PDE11A: variants seen among roughly 807,000 people sequenced by gnomAD.
The protein encoded by PDE11A is phosphodiesterase 11A.
In PDE11A, 100 loss-of-function variants were observed where a neutral mutation model predicts 100.5. The observed-to-expected ratio is 1.00, with a 90% CI of 0.85 to 1.18. PDE11A has a LOEUF of 1.18. Ranked by LOEUF, PDE11A falls within the 50% of genes most tolerant of loss-of-function variation. PDE11A has a pLI of 0.00. For synonymous variants in PDE11A, 381 were observed against 420.8 expected (o/e 0.91, Z 1.16); for missense variants, 1,141 against 1,152.6 (o/e 0.99, Z 0.15).
chr2:177,840,357 G>A lies in PDE11A; in HGVS notation c.1394C>T (p.Ser465Leu), dbSNP rs1319634913. Residue 465 changes from serine to leucine, a missense_variant, in exon 6 of 20, where the codon TCA becomes TTA. Physicochemically the swap from Ser to Leu is moderately radical, Grantham distance 145. Coordinates refer to ENST00000286063, the MANE Select transcript of PDE11A (RefSeq NM_016953.4). ...GTTATTTATTAGCCAGTCGGAGTATGATGATTTCTCCATGCTTTCTTTGAA... is the reference window on the plus strand; with the variant it reads ...GTTATTTATTAGCCAGTCGGAGTATAATGATTTCTCCATGCTTTCTTTGAA... ...NSFKESMEKSSYSDWLINNSI... is the reference protein window; with the variant it reads ...NSFKESMEKSLYSDWLINNSI... The A allele has an allele frequency of 1.2e-6, 2 of 1,613,416 alleles. No homozygotes were observed. Among genetic ancestry groups the A allele is most frequent in the African/African-American group, 2.7e-5 (2 of 74,926 alleles).
At chr2:177,891,729 G>A (rs1006945255) in intron 4 of PDE11A, among the ~76,000 whole-genome samples, 3 of 152,074 alleles carry the variant, frequency 2.0e-5, no homozygotes, top group Non-Finnish European at 4.4e-5. Flanking sequence ...ACCTATTTTT[G>A]TCAATAAAGT....
At chr2:177,829,623 T>TTG (rs1402407324) in intron 6 of PDE11A, among the ~76,000 whole-genome samples, 2 of 151,336 alleles carry the variant, frequency 1.3e-5, no homozygotes, top group African/African-American at 4.9e-5. Context: ...TTTTTTTTTT[T>TTG]TTGTATTTTT....
At chr2:177,773,047 G>A (rs907423377) in intron 9 of PDE11A, among the ~76,000 whole-genome samples, 6 of 151,330 alleles carry the variant, frequency 4.0e-5, no homozygotes, top group African/African-American at 1.5e-4. Flanking sequence ...TTTTTGAAGA[G>A]TCTCACTCTA....
intron 5 of PDE11A, among the ~76,000 whole-genome samples, chr2:177,861,451 T>C (rs1337740369): frequency 6.6e-6 from 1 of 151,796 alleles, no homozygotes; most frequent in Non-Finnish European, 1.5e-5. Flanking sequence ...AAAGACAACT[T>C]ATATACAGGA....
At chr2:177,748,478 C>T (rs961406111) in intron 10 of PDE11A, among the ~76,000 whole-genome samples, 5 of 152,120 alleles carry the variant, frequency 3.3e-5, no homozygotes, top group African/African-American at 7.2e-5. Context: ...TATCTATTTG[C>T]GTATTATTAA....
chr2:177,778,345 C>G (rs62183044), intron 9 of PDE11A, among the ~76,000 whole-genome samples: 3 of 152,198 alleles, frequency 2.0e-5, no homozygotes, highest in Non-Finnish European at 4.4e-5. Flanking sequence ...ATTTGGGCAG[C>G]CATTTGCTCC....
chr2:178,037,952 T>A (rs1346772011), intron 1 of PDE11A, among the ~76,000 whole-genome samples: 1 of 152,018 alleles, frequency 6.6e-6, no homozygotes, highest in Non-Finnish European at 1.5e-5. Context: ...GACGGGTTGA[T>A]AGGTGCAGCA....
intron 1 of PDE11A, among the ~76,000 whole-genome samples, chr2:178,034,130 G>C (rs1266856001): frequency 2.0e-5 from 3 of 152,114 alleles, no homozygotes; most frequent in African/African-American, 7.2e-5. Flanking sequence ...AGAGCCATTG[G>C]TGTGCTGTAT....
At chr2:178,077,595 C>T (rs1483454757), upstream of PDE11A, among the ~76,000 whole-genome samples, 1 of 152,108 alleles carries the variant, frequency 6.6e-6, no homozygotes, top group Admixed American at 6.5e-5. Flanking sequence ...CACATTAAGG[C>T]CTTGTCAAAA....
chr2:177,833,788 G>A (rs761218366), intron 6 of PDE11A, among the ~76,000 whole-genome samples: 5 of 152,196 alleles, frequency 3.3e-5, no homozygotes, highest in Non-Finnish European at 7.3e-5. Flanking sequence ...ATAGATATTA[G>A]TGATAGAGGC....
chr2:177,631,476 ATC>A (rs1428958570), intron 19 of PDE11A, among the ~76,000 whole-genome samples: 3 of 44,076 alleles, frequency 6.8e-5, no homozygotes, highest in Non-Finnish European at 1.1e-4. Flanking sequence ...GTGAGACTCT[ATC>A]TCAAAAAAAA....
intron 19 of PDE11A, among the ~76,000 whole-genome samples, chr2:177,635,253 T>C (rs2080021939): frequency 6.6e-6 from 1 of 152,248 alleles, no homozygotes; most frequent in African/African-American, 2.4e-5. Context: ...TTTTCTTTAG[T>C]AGTGTAGGAC....
At chr2:177,736,123 G>A (rs958478287) in intron 10 of PDE11A, among the ~76,000 whole-genome samples, 2 of 152,156 alleles carry the variant, frequency 1.3e-5, no homozygotes, top group Admixed American at 6.5e-5. Context: ...GGGGTTCTGG[G>A]TCTAATGGGT....
At chr2:177,753,418 T>C (rs1486102957) in intron 10 of PDE11A, among the ~76,000 whole-genome samples, 2 of 152,016 alleles carry the variant, frequency 1.3e-5, no homozygotes, top group Non-Finnish European at 2.9e-5. Context: ...TCCCTATGAA[T>C]AGCCCAGGTC....
intron 9 of PDE11A, among the ~76,000 whole-genome samples, chr2:177,788,993 T>C (rs201310441): frequency 6.6e-6 from 1 of 152,208 alleles, no homozygotes; most frequent in African/African-American, 2.4e-5. Context: ...CCTCTGAAAC[T>C]ATTCCAATCA....
At chr2:178,091,753 C>A (rs951975600) in intron 2 of PDE11A, among the ~76,000 whole-genome samples, 1 of 146,876 alleles carries the variant, frequency 6.8e-6, no homozygotes, top group Admixed American at 7.0e-5. Flanking sequence ...CCCCACCATG[C>A]GTCTCTTATA....
intron 1 of PDE11A, among the ~76,000 whole-genome samples, chr2:178,015,188 C>T (rs143861108): frequency 6.0e-4 from 92 of 152,170 alleles, no homozygotes; most frequent in African/African-American, 2.0e-3. Flanking sequence ...ATCTGGTGAA[C>T]GCTACCTCAA....
chr2:177,842,982 A>G (rs1231921601), intron 5 of PDE11A, among the ~76,000 whole-genome samples: 1 of 152,204 alleles, frequency 6.6e-6, no homozygotes, highest in Non-Finnish European at 1.5e-5. Context: ...ACTCAGGGAC[A>G]GAACACGTAG....
chr2:177,629,958 T>G (rs922931793), intron 19 of PDE11A, among the ~76,000 whole-genome samples: 1 of 152,204 alleles, frequency 6.6e-6, no homozygotes, highest in Non-Finnish European at 1.5e-5. Context: ...TGCACTTAAA[T>G]TTTTACAAAA....
Sources: gnomAD v4.1 joint callset for allele counts (sites outside exome capture counted in the v4.1 genomes callset) on GRCh38, gnomAD v4.1.1 for gene constraint, MANE v1.5 for transcripts, NCBI Gene and HGNC (gene_info 2026-07-23, HGNC 2026-07-21) for gene names.